The following TBC1D22A variants were observed in gnomAD, a reference collection of about 807,000 sequenced individuals.
TBC1D22A encodes the protein TBC1 domain family member 22A.
A neutral mutation model predicts 60.2 loss-of-function variants in TBC1D22A; 38 were observed. The observed-to-expected ratio is 0.63, with a 90% CI of 0.49 to 0.83. The LOEUF is 0.83. Among genes scored for constraint, TBC1D22A ranks in the 40% least tolerant of loss-of-function variants. The pLI is 0.00. For synonymous variants in TBC1D22A, 302 were observed against 281.7 expected (o/e 1.07, Z -0.72); for missense variants, 628 against 701.0 (o/e 0.90, Z 1.18).
chr22:47,146,075 C>A (rs539445571), intron 12 of TBC1D22A, among the ~76,000 whole-genome samples: 1 of 151,366 alleles, frequency 6.6e-6, no homozygotes, highest in Non-Finnish European at 1.5e-5. Flanking sequence ...CGTGCTGTTC[C>A]TTAAAGCAGG....
intron 8 of TBC1D22A, among the ~76,000 whole-genome samples, chr22:46,920,084 T>TATGTATGTATGTATGA (rs146766434): frequency 0.045 from 6,713 of 148,992 alleles, 222 homozygotes; most frequent in Middle Eastern, 0.075. Context: ...TGTATGTATG[T>TATGTATGTATGTATGA]ATGAATGAAG....
At chr22:46,903,545 G>A (rs1412227198) in intron 7 of TBC1D22A, among the ~76,000 whole-genome samples, 1 of 152,198 alleles carries the variant, frequency 6.6e-6, no homozygotes, top group Non-Finnish European at 1.5e-5. Context: ...CTCTGAGCGT[G>A]AGTCTAGAGG....
chr22:46,894,525 A>T (rs553992567), intron 6 of TBC1D22A, among the ~76,000 whole-genome samples: 1 of 152,286 alleles, frequency 6.6e-6, no homozygotes, highest in Admixed American at 6.5e-5. Flanking sequence ...TCTGTTTCTA[A>T]TCATGCAGCA....
chr22:46,825,926 A>G (rs1271113998), intron 4 of TBC1D22A, among the ~76,000 whole-genome samples: 1 of 141,484 alleles, frequency 7.1e-6, no homozygotes, highest in Non-Finnish European at 1.5e-5. Context: ...TCTGTCGCCC[A>G]GGCTGGAGTA....
intron 4 of TBC1D22A, among the ~76,000 whole-genome samples, chr22:46,833,560 G>A (rs976642380): frequency 6.6e-6 from 1 of 152,176 alleles, no homozygotes; most frequent in Non-Finnish European, 1.5e-5. Context: ...TTCATGACTC[G>A]TGGGGGTGAT....
intron 1 of TBC1D22A, among the ~76,000 whole-genome samples, chr22:46,782,032 G>A (rs990715822): frequency 5.3e-5 from 8 of 152,206 alleles, no homozygotes; most frequent in African/African-American, 1.7e-4. Flanking sequence ...GTCATTCATG[G>A]TGGGACAAGT....
At chr22:47,057,229 G>T (rs1025533854) in intron 11 of TBC1D22A, among the ~76,000 whole-genome samples, 7 of 152,220 alleles carry the variant, frequency 4.6e-5, no homozygotes, top group African/African-American at 1.7e-4. Flanking sequence ...GCAAATGAGC[G>T]CTGGGCAGCT....
At chr22:47,017,640 C>T (rs538109122) in intron 10 of TBC1D22A, among the ~76,000 whole-genome samples, 18 of 152,212 alleles carry the variant, frequency 1.2e-4, no homozygotes, top group Non-Finnish European at 1.8e-4. Flanking sequence ...CATCAGAAAA[C>T]GGAGGAAATT....
At chr22:46,865,722 C>T (rs1002058253) in intron 4 of TBC1D22A, among the ~76,000 whole-genome samples, 1 of 152,184 alleles carries the variant, frequency 6.6e-6, no homozygotes, top group Admixed American at 6.5e-5. Context: ...CACCAAGGGC[C>T]GGTTCCCCCA....
intron 4 of TBC1D22A, among the ~76,000 whole-genome samples, chr22:46,866,864 AC>A (rs1256194452): frequency 6.6e-6 from 1 of 152,256 alleles, no homozygotes; most frequent in Non-Finnish European, 1.5e-5. Flanking sequence ...TTGTATCCTT[AC>A]TGTTTTCAAG....
intron 4 of TBC1D22A, among the ~76,000 whole-genome samples, chr22:46,797,903 T>TG (rs2084728039): frequency 6.6e-6 from 1 of 152,220 alleles, no homozygotes; most frequent in Non-Finnish European, 1.5e-5. Flanking sequence ...GACAAGGTCT[T>TG]ACTCTGTTGC....
chr22:46,902,935 G>T (rs117855341), intron 7 of TBC1D22A, among the ~76,000 whole-genome samples: 3,824 of 151,150 alleles, frequency 0.025, 71 homozygotes, highest in South Asian at 0.037. Context: ...GTATCCTGCC[G>T]ACTGCATTCC....
At chr22:47,031,773 C>T (rs1263547517) in intron 10 of TBC1D22A, among the ~76,000 whole-genome samples, 1 of 152,122 alleles carries the variant, frequency 6.6e-6, no homozygotes. Context: ...GTGTGTGCCC[C>T]CCTTCAGGAG....
intron 9 of TBC1D22A, among the ~76,000 whole-genome samples, chr22:46,980,994 A>G (rs11913668): frequency 0.029 from 4,378 of 152,376 alleles, 119 homozygotes; most frequent in African/African-American, 0.073. Context: ...CAAGACACCG[A>G]AACCACAAGG....
At chr22:47,137,289 A>G (rs2066910727) in intron 12 of TBC1D22A, among the ~76,000 whole-genome samples, 1 of 152,166 alleles carries the variant, frequency 6.6e-6, no homozygotes, top group Non-Finnish European at 1.5e-5. Context: ...GCAAAGAAAA[A>G]ATATTTGCTC....
At chr22:46,790,135 C>CA (rs1177348788) in intron 1 of TBC1D22A, among the ~76,000 whole-genome samples, 1 of 152,172 alleles carries the variant, frequency 6.6e-6, no homozygotes, top group Non-Finnish European at 1.5e-5. Flanking sequence ...GGGCTAACAC[C>CA]AAGGTGTTGG....
chr22:46,839,356 G>A (rs2086654833), intron 4 of TBC1D22A, among the ~76,000 whole-genome samples: 1 of 150,760 alleles, frequency 6.6e-6, no homozygotes, highest in South Asian at 2.1e-4. Context: ...CACCCAGGCT[G>A]GAGTGCAGTG....
intron 8 of TBC1D22A, among the ~76,000 whole-genome samples, chr22:46,964,753 G>A (rs1048775226): frequency 1.3e-5 from 2 of 152,354 alleles, no homozygotes; most frequent in Admixed American, 1.3e-4. Flanking sequence ...GTTTTGAAAT[G>A]TATCGGTTCT....
At chr22:47,126,340 G>A (rs1224292865) in intron 12 of TBC1D22A, among the ~76,000 whole-genome samples, 3 of 152,200 alleles carry the variant, frequency 2.0e-5, no homozygotes, top group African/African-American at 7.2e-5. Flanking sequence ...AGACAGGGAC[G>A]CCATGATCCC....
Sources: gnomAD v4.1 joint callset for allele counts (sites outside exome capture counted in the v4.1 genomes callset) on GRCh38, gnomAD v4.1.1 for gene constraint, MANE v1.5 for transcripts, NCBI Gene and HGNC (gene_info 2026-07-23, HGNC 2026-07-21) for gene names.